Variants in ZNF423 observed in about 807,000 individuals in gnomAD.
ZNF423 encodes zinc finger protein 423, also known as Ebf-associated zinc finger protein.
A neutral mutation model predicts 95.8 loss-of-function variants in ZNF423; 12 were observed. The observed-to-expected ratio is 0.13, with a 90% confidence interval of 0.08 to 0.20. The LOEUF is 0.20. Among genes scored for constraint, ZNF423 ranks in the 10% least tolerant of loss-of-function variants. ZNF423 has a pLI of 1.00. For synonymous variants in ZNF423, 749 were observed against 711.9 expected (o/e 1.05, Z -0.83); for missense variants, 1,316 against 1,737.1 (o/e 0.76, Z 4.31).
rs953565486 is a variant in ZNF423 at position 49,567,544 on chromosome 16, G to A, written c.3602-42050C>T. ...TGCCATCTCGGTCGCCGTTCATGCT[G>A]GCCAACCAGGAATCGGACAACAAGC... On this transcript the variant is annotated intron_variant, in intron 5 of 7. Coordinates refer to ENST00000563137, the MANE Select transcript of ZNF423 (RefSeq NM_001379286.1). 4.0e-5 allele frequency among the ~76,000 whole-genome samples: 6 copies of A among 151,680 alleles called. No individual in the cohort carries two copies. The East Asian group carries it at 1.2e-3, about 29-fold the overall frequency.
intron 3 of ZNF423, among the ~76,000 whole-genome samples, chr16:49,722,506 C>G (rs925654497): frequency 9.9e-5 from 15 of 152,216 alleles, no homozygotes; most frequent in African/African-American, 3.6e-4. Flanking sequence ...CCCAGAGGGT[C>G]CCTGCTAATA....
rs149520224 is a variant in ZNF423 at position 49,667,739 on chromosome 16, A to G, written c.302-28865T>C. 4.1e-3 allele frequency among the ~76,000 whole-genome samples: 621 copies of G among 152,318 alleles called. 1 individual carries two copies. The highest frequency in any genetic ancestry group is 7.2e-3 in the Non-Finnish European group (487 of 68,026). ...TTTACAAAAAATTAAAAAATAATTTAGCCAGGTGTGGTGGTGCACACCTGT... is the reference window on the plus strand; with the variant it reads ...TTTACAAAAAATTAAAAAATAATTTGGCCAGGTGTGGTGGTGCACACCTGT... On this transcript the variant is annotated intron_variant, in intron 3 of 7. Transcript: ENST00000563137.
intron 2 of ZNF423, among the ~76,000 whole-genome samples, chr16:49,776,662 C>T (rs746383407): frequency 1.4e-4 from 21 of 152,204 alleles, no homozygotes; most frequent in Middle Eastern, 3.2e-3. Context: ...GGTTGCGGGG[C>T]GGCCCATGCA....
At chr16:49,626,131 G>C (rs1226695121) in intron 5 of ZNF423, 39 bp downstream of exon 5, 1 of 1,599,622 alleles carries the variant, frequency 6.3e-7, no homozygotes, top group African/African-American at 1.3e-5. Flanking sequence ...AAACCCCAAA[G>C]AGTAGCTCCA....
At chr16:49,531,234 A>G (rs1968832999) in intron 5 of ZNF423, among the ~76,000 whole-genome samples, 1 of 151,450 alleles carries the variant, frequency 6.6e-6, no homozygotes, top group African/African-American at 2.4e-5. Flanking sequence ...CCAGAAATAA[A>G]TGCCCCAGAC....
At chr16:49,495,775 C>T (rs1423861701) in intron 7 of ZNF423, among the ~76,000 whole-genome samples, 1 of 152,204 alleles carries the variant, frequency 6.6e-6, no homozygotes, top group Non-Finnish European at 1.5e-5. Context: ...GGCCCTGGCT[C>T]AGCCCACCTC....
intron 5 of ZNF423, among the ~76,000 whole-genome samples, chr16:49,562,489 C>G (rs1970050899): frequency 6.6e-6 from 1 of 152,152 alleles, no homozygotes; most frequent in Admixed American, 6.5e-5. Flanking sequence ...TCTTGGGAGT[C>G]TATACTGAAG....
chr16:49,538,757 G>A (rs1018950575), intron 5 of ZNF423, among the ~76,000 whole-genome samples: 3 of 152,212 alleles, frequency 2.0e-5, no homozygotes, highest in South Asian at 2.1e-4. Flanking sequence ...AGTAGCTCTC[G>A]ATGCCTTGCC....
intron 5 of ZNF423, among the ~76,000 whole-genome samples, chr16:49,558,890 G>T (rs907914460): frequency 6.6e-6 from 1 of 152,228 alleles, no homozygotes; most frequent in Non-Finnish European, 1.5e-5. Context: ...AGCGAGCGGG[G>T]TTTTGGGGGG....
intron 1 of ZNF423, among the ~76,000 whole-genome samples, chr16:49,815,878 AAAAATATAT>A (rs1418453782): frequency 8.1e-5 from 5 of 61,400 alleles, no homozygotes; most frequent in African/African-American, 1.5e-4. Flanking sequence ...AACAAAAAAA[AAAAATATAT>A]ATATATATAT....
chr16:49,828,698 C>T (rs374872672), intron 1 of ZNF423, among the ~76,000 whole-genome samples: 5 of 152,318 alleles, frequency 3.3e-5, no homozygotes, highest in East Asian at 1.9e-4. Context: ...AGCCCCTGGG[C>T]GGGCGCCATG....
chr16:49,552,901 C>T (rs1969694235), intron 5 of ZNF423, among the ~76,000 whole-genome samples: 3 of 151,822 alleles, frequency 2.0e-5, no homozygotes, highest in Admixed American at 2.0e-4. Context: ...CAGAAGAGAC[C>T]CGACCCCACC....
intron 5 of ZNF423, among the ~76,000 whole-genome samples, chr16:49,594,446 A>T (rs1271331605): frequency 6.6e-6 from 1 of 152,176 alleles, no homozygotes; most frequent in Non-Finnish European, 1.5e-5. Context: ...ACACAAGTGC[A>T]TACTGACACA....
chr16:49,765,890 T>C (rs2052667352), intron 2 of ZNF423, among the ~76,000 whole-genome samples: 1 of 152,122 alleles, frequency 6.6e-6, no homozygotes, highest in Admixed American at 6.5e-5. Flanking sequence ...TTCATACAGA[T>C]AGACAGTAGA....
intron 2 of ZNF423, among the ~76,000 whole-genome samples, chr16:49,776,283 C>T (rs1480931422): frequency 6.6e-6 from 1 of 152,228 alleles, no homozygotes; most frequent in African/African-American, 2.4e-5. Context: ...CTCCCAGGAG[C>T]GGCTACTCTG....
intron 5 of ZNF423, among the ~76,000 whole-genome samples, chr16:49,620,683 C>A (rs993941200): frequency 1.3e-5 from 2 of 152,202 alleles, no homozygotes; most frequent in African/African-American, 2.4e-5. Context: ...TGAGGCCCTG[C>A]GTGAGGACGT....
intron 3 of ZNF423, among the ~76,000 whole-genome samples, chr16:49,684,963 G>A (rs2031506646): frequency 6.6e-6 from 1 of 152,194 alleles, no homozygotes; most frequent in Non-Finnish European, 1.5e-5. Context: ...GAAAGGCAGG[G>A]GCACGCGAAC....
intron 5 of ZNF423, among the ~76,000 whole-genome samples, chr16:49,589,574 G>A (rs1051868520): frequency 1.3e-5 from 2 of 152,022 alleles, no homozygotes; most frequent in Admixed American, 6.5e-5. Context: ...TGTTCTTCTG[G>A]GGCTGATCAG....
chr16:49,714,910 G>C (rs1596906349), intron 3 of ZNF423, among the ~76,000 whole-genome samples: 1 of 152,198 alleles, frequency 6.6e-6, no homozygotes, highest in African/African-American at 2.4e-5. Flanking sequence ...GGAATGGGAA[G>C]GGAGGTGTGA....
Sources: gnomAD v4.1 joint callset for allele counts (sites outside exome capture counted in the v4.1 genomes callset) on GRCh38, gnomAD v4.1.1 for gene constraint, MANE v1.5 for transcripts, NCBI Gene and HGNC (gene_info 2026-07-23, HGNC 2026-07-21) for gene names.